CDIN1: variants seen among roughly 807,000 people sequenced by gnomAD.
CDIN1 encodes the protein CDAN1-interacting nuclease 1.
A neutral mutation model predicts 45.3 loss-of-function variants in CDIN1; 33 were observed. The observed-to-expected ratio is 0.73, with a 90% CI of 0.55 to 0.97. CDIN1 has a LOEUF of 0.97. Among genes scored for constraint, CDIN1 ranks in the 50% least tolerant of loss-of-function variants. CDIN1 has a pLI of 0.00. For missense variants in CDIN1, 303 were observed against 339.4 expected (o/e 0.89, Z 0.84); for synonymous variants, 118 against 124.4 (o/e 0.95, Z 0.34).
At chr15:36,701,665 AT>A (rs1400377072) in intron 8 of CDIN1, among the ~76,000 whole-genome samples, 2 of 152,100 alleles carry the variant, frequency 1.3e-5, no homozygotes, top group Admixed American at 6.6e-5. Flanking sequence ...TTCTGGAGAT[AT>A]TTTATTCTTT....
chr15:36,652,956 A>G (rs1223973071), intron 3 of CDIN1, among the ~76,000 whole-genome samples: 1 of 152,124 alleles, frequency 6.6e-6, no homozygotes, highest in Non-Finnish European at 1.5e-5. Context: ...TTTCTTGTCC[A>G]ATATGGTTTT....
intron 5 of CDIN1, among the ~76,000 whole-genome samples, chr15:36,660,391 ATTCTT>A (rs2040960908): frequency 6.6e-6 from 1 of 152,052 alleles, no homozygotes; most frequent in Non-Finnish European, 1.5e-5. Flanking sequence ...AAAAAATCCT[ATTCTT>A]TTGGGGGTGG....
intron 10 of CDIN1, among the ~76,000 whole-genome samples, chr15:36,753,258 A>C (rs1205813285): frequency 6.6e-6 from 1 of 152,124 alleles, no homozygotes; most frequent in Non-Finnish European, 1.5e-5. Context: ...GTGTCTGCCA[A>C]GTGCTCAGCG....
chr15:36,594,268 A>C (rs1290633432), intron 1 of CDIN1, among the ~76,000 whole-genome samples: 1 of 151,116 alleles, frequency 6.6e-6, no homozygotes. Flanking sequence ...TTTTTGCATT[A>C]AAAAAAATAC....
chr15:36,712,628 A>T (rs2043096025), intron 10 of CDIN1, among the ~76,000 whole-genome samples: 1 of 152,150 alleles, frequency 6.6e-6, no homozygotes, highest in East Asian at 1.9e-4. Flanking sequence ...CAATTTTTAG[A>T]TTAACATTTC....
intron 1 of CDIN1, among the ~76,000 whole-genome samples, chr15:36,582,955 C>T (rs185549186): frequency 9.1e-4 from 139 of 151,958 alleles, no homozygotes; most frequent in South Asian, 7.7e-3. Context: ...TTTGAATTAC[C>T]TGTTTGGTAT....
intron 10 of CDIN1, among the ~76,000 whole-genome samples, chr15:36,737,671 C>T (rs1442322814): frequency 6.6e-6 from 1 of 152,100 alleles, no homozygotes; most frequent in Non-Finnish European, 1.5e-5. Context: ...GATCACTGTA[C>T]CGGCTGCTTA....
intron 10 of CDIN1, among the ~76,000 whole-genome samples, chr15:36,766,353 G>A (rs2053924435): frequency 6.6e-6 from 1 of 152,122 alleles, no homozygotes; most frequent in Admixed American, 6.5e-5. Flanking sequence ...TGTGAATATT[G>A]CTGCCATGAA....
At chr15:36,707,231 A>G (rs539456995) in intron 8 of CDIN1, 59 of 152,308 alleles carry the variant, frequency 3.9e-4, no homozygotes, top group African/African-American at 1.4e-3. Flanking sequence ...AGACTTCCAG[A>G]TGCTATCCTT....
chr15:36,598,806 AGTTTTTTTGTTTGTTTGTTT>A (rs1350962078), intron 1 of CDIN1, among the ~76,000 whole-genome samples: 2 of 149,224 alleles, frequency 1.3e-5, no homozygotes, highest in African/African-American at 5.0e-5. Flanking sequence ...AGCTTTAGTG[AGTTTTTTTGTTTGTTTGTTT>A]GTTTTTTTGT....
At chr15:36,620,220 G>A (rs1415847648) in intron 1 of CDIN1, among the ~76,000 whole-genome samples, 10 of 152,004 alleles carry the variant, frequency 6.6e-5, no homozygotes, top group Non-Finnish European at 1.2e-4. Flanking sequence ...GAGTGGTGGC[G>A]GGCGCCTGTA....
At chr15:36,602,936 C>T (rs531737398) in intron 1 of CDIN1, among the ~76,000 whole-genome samples, 1 of 151,608 alleles carries the variant, frequency 6.6e-6, no homozygotes, top group African/African-American at 2.4e-5. Flanking sequence ...TGCAGTGAGC[C>T]GAGATCATGC....
chr15:36,751,946 A>G (rs888730057), intron 10 of CDIN1, among the ~76,000 whole-genome samples: 6 of 152,196 alleles, frequency 3.9e-5, no homozygotes, highest in African/African-American at 1.2e-4. Context: ...CTGCTGAACA[A>G]TGAAAACACA....
At chr15:36,725,921 A>G (rs6495870) in intron 10 of CDIN1, among the ~76,000 whole-genome samples, 80,055 of 151,784 alleles carry the variant, frequency 0.53, 21,786 homozygotes, top group East Asian at 0.67. Flanking sequence ...TCCACAGCTA[A>G]TAAATATAAA....
At chr15:36,674,625 A>G (rs1202510305) in intron 5 of CDIN1, among the ~76,000 whole-genome samples, 2 of 152,148 alleles carry the variant, frequency 1.3e-5, no homozygotes, top group African/African-American at 2.4e-5. Flanking sequence ...TCAAAATGCC[A>G]TTAAAGTGGA....
At chr15:36,593,516 A>G (rs1417910390) in intron 1 of CDIN1, among the ~76,000 whole-genome samples, 2 of 152,164 alleles carry the variant, frequency 1.3e-5, no homozygotes, top group African/African-American at 4.8e-5. Flanking sequence ...TTAGTGTTCA[A>G]TATAGGTATT....
At chr15:36,636,875 A>G (rs1262443092) in intron 1 of CDIN1, among the ~76,000 whole-genome samples, 1 of 152,224 alleles carries the variant, frequency 6.6e-6, no homozygotes, top group East Asian at 1.9e-4. Flanking sequence ...AAGAATAGTA[A>G]AAGAGTATGT....
chr15:36,588,638 T>C (rs1457823705), intron 1 of CDIN1, among the ~76,000 whole-genome samples: 1 of 152,204 alleles, frequency 6.6e-6, no homozygotes, highest in Non-Finnish European at 1.5e-5. Flanking sequence ...AGAGTATGAT[T>C]ATTTCATGTG....
At chr15:36,720,549 T>C (rs984804918) in intron 10 of CDIN1, among the ~76,000 whole-genome samples, 1 of 151,928 alleles carries the variant, frequency 6.6e-6, no homozygotes, top group African/African-American at 2.4e-5. Flanking sequence ...GTCCTCGTGA[T>C]AGTTTGCTGA....
Sources: gnomAD v4.1 joint callset for allele counts (sites outside exome capture counted in the v4.1 genomes callset) on GRCh38, gnomAD v4.1.1 for gene constraint, MANE v1.5 for transcripts, NCBI Gene and HGNC (gene_info 2026-07-23, HGNC 2026-07-21) for gene names.